The following LTBP2 variants were observed in gnomAD, a reference collection of about 807,000 sequenced individuals.
LTBP2 encodes latent transforming growth factor beta binding protein 2, also known as latent-transforming growth factor beta-binding protein 2.
LTBP2 carries 103 observed loss-of-function variants against 210.6 expected under a neutral mutation model. The observed-to-expected ratio is 0.49, with a 90% CI of 0.42 to 0.58. The LOEUF is 0.58. Ranked by LOEUF, LTBP2 falls within the 20% of genes least tolerant of loss-of-function variation. The pLI is 0.00. For synonymous variants in LTBP2, 1,007 were observed against 1,015.0 expected (o/e 0.99, Z 0.15); for missense variants, 2,313 against 2,494.5 (o/e 0.93, Z 1.55).
Position 74,499,675 on chromosome 14 carries a change from C to T in LTBP2, c.*1209G>A, listed in dbSNP as rs34676576. On this transcript the variant is annotated 3_prime_UTR_variant, in exon 36 of 36. Coordinates refer to ENST00000261978, the MANE Select transcript of LTBP2 (RefSeq NM_000428.3). The stretch of plus-strand genomic sequence containing the variant: ...TCAGCAGAGCTGGCCAGGGAGTAGG[C>T]ACAGCCTCATCTCTAATATTTAGAC... The T allele has an allele frequency of 4.9e-5, 11 of 225,568 alleles. No individual in the cohort carries two copies. Among genetic ancestry groups the T allele is most frequent in the Admixed American group, 1.1e-4 (2 of 17,504 alleles). 14.0% of individuals were successfully genotyped at this position (225,568 alleles called of 1,614,324 possible). A position where few individuals can be genotyped will look rare whatever the true frequency, so the allele number is the denominator to read the frequency against.
Position 74,611,694 on chromosome 14 carries a change from G to T in LTBP2, c.251C>A (p.Pro84His). The change falls in exon 1 of 36, where the codon CCC (proline) becomes CAC (histidine). Residue 84 changes from proline to histidine, a missense_variant. Pro to His is a moderately conservative substitution (Grantham distance 77). This residue lies in a region of LTBP2 where 1,867 missense variants were observed against 1,976.9 expected (regional missense o/e 0.94). Transcript: ENST00000261978. ...CCAGCCCGGCTGGGCCCGCTCCACG[G>T]GCTGCAAGCCCGCGACAGGCGCGTC... ...EQDAPVAGLQ[P>H]VERAQPGWGS... The T allele has an allele frequency of 6.3e-7, 1 of 1,582,996 alleles. No homozygotes were observed. Among genetic ancestry groups the T allele is most frequent in the Admixed American group, 1.7e-5 (1 of 57,194 alleles).
At chr14:74,585,408 T>C (rs1566649659) in intron 3 of LTBP2, among the ~76,000 whole-genome samples, 1 of 152,208 alleles carries the variant, frequency 6.6e-6, no homozygotes, top group Non-Finnish European at 1.5e-5. Context: ...GCACTTTCTT[T>C]ATATTGACTA....
chr14:74,554,242 GCAGTCCCAGTA>G (rs926103972), intron 4 of LTBP2, among the ~76,000 whole-genome samples: 2 of 152,188 alleles, frequency 1.3e-5, no homozygotes, highest in African/African-American at 4.8e-5. Flanking sequence ...ACTCACGCCT[GCAGTCCCAGTA>G]CTTTGGGAGG....
At chr14:74,562,757 A>G (rs1160600104) in intron 3 of LTBP2, among the ~76,000 whole-genome samples, 1 of 152,218 alleles carries the variant, frequency 6.6e-6, no homozygotes, top group Non-Finnish European at 1.5e-5. Flanking sequence ...CCAAAGGTTT[A>G]ATAACATACT....
chr14:74,506,972 G>A, intron 26 of LTBP2, 149 bp from the exon 27 acceptor site: 3 of 1,537,440 alleles, frequency 2.0e-6, no homozygotes, highest in Non-Finnish European at 1.8e-6. Context: ...ACCAAGACCT[G>A]TGAAAAGCAG....
rs1595237303 is a variant in LTBP2, at chr14:74,503,450, C to G, written c.4720+19G>C. The G allele has an allele frequency of 6.2e-7, 1 of 1,609,546 alleles. No homozygotes were observed. The highest frequency in any genetic ancestry group is 8.5e-7 in the Non-Finnish European group (1 of 1,179,214). ...CCCAGGTACCCTTCTCCTGCTCCCCCACGCTCAGGCCCACTCACCCGTGCT... is the reference window on the plus strand; with the variant it reads ...CCCAGGTACCCTTCTCCTGCTCCCCGACGCTCAGGCCCACTCACCCGTGCT... On this transcript the variant is annotated intron_variant, in intron 32 of 35. Transcript: ENST00000261978.
At position 74,571,756 on chromosome 14, in the gene LTBP2, C is replaced by T. The variant is rs557471517; in HGVS notation, c.830+14098G>A. On this transcript the variant is annotated intron_variant, in intron 3 of 35. Coordinates refer to ENST00000261978, the MANE Select transcript of LTBP2 (RefSeq NM_000428.3). ...AAGTGGCCTCTGCTGCGGGCACTCG[C>T]GGGTGGACATGTTACATCGTGGGCA... is the stretch of plus-strand genomic sequence containing the variant. Among the ~76,000 whole-genome samples the T allele has an allele frequency of 2.0e-3, 305 of 152,278 alleles. 5 individuals carry two copies. The highest frequency in any genetic ancestry group is 7.0e-3 in the African/African-American group (289 of 41,562).
intron 3 of LTBP2, among the ~76,000 whole-genome samples, chr14:74,583,507 G>A (rs1371045110): frequency 6.6e-6 from 1 of 152,248 alleles, no homozygotes; most frequent in Non-Finnish European, 1.5e-5. Context: ...CCTGGAGGCT[G>A]CAGCTCATTA....
In LTBP2 at chr14:74,509,126, C is replaced by T. The variant is rs528510339; in HGVS notation, c.3403+112G>A. The stretch of plus-strand genomic sequence containing the variant: ...AAGCTTGTGAGCGACTCTTGGGGAG[C>T]GGGATGATGGCAGCTCCTCCAGCCT... On this transcript the variant is annotated intron_variant, in intron 22 of 35. Transcript: ENST00000261978. The T allele has an allele frequency of 1.5e-3, 2,378 of 1,579,128 alleles. 11 individuals are homozygous for T. The highest frequency in any genetic ancestry group is 5.9e-3 in the Middle Eastern group (35 of 5,932).
At position 74,511,305 on chromosome 14, in the gene LTBP2, CA is replaced by C; in HGVS notation, c.2967del (p.Gly990AlafsTer20). The C allele has an allele frequency of 6.2e-7, 1 of 1,614,088 alleles. No homozygotes were observed. The highest frequency in any genetic ancestry group is 8.5e-7 in the Non-Finnish European group (1 of 1,180,022). On this transcript the variant is annotated frameshift_variant, in exon 19 of 36. Transcript: ENST00000261978. LOFTEE classifies it high-confidence loss of function. ...TCACAGGCCAGACAAGTGTAGGAGC[CA>C]GGGGAATTGACGCATCTCCCATCAG... ...TCPDGRCVNS[P>X]GSYTCLACEE...
chr14:74,533,390 C>G (rs1410450872), intron 9 of LTBP2, among the ~76,000 whole-genome samples: 1 of 152,090 alleles, frequency 6.6e-6, no homozygotes, highest in African/African-American at 2.4e-5. Context: ...GGAAACAGAT[C>G]AGGGGGACTG....
intron 19 of LTBP2, among the ~76,000 whole-genome samples, chr14:74,510,705 C>T (rs2087059761): frequency 6.6e-6 from 1 of 152,222 alleles, no homozygotes; most frequent in South Asian, 2.1e-4. Flanking sequence ...CGTCTGCCCT[C>T]TCCAGAGCCT....
chr14:74,534,051 G>A (rs1161303324), intron 9 of LTBP2, among the ~76,000 whole-genome samples: 1 of 152,160 alleles, frequency 6.6e-6, no homozygotes, highest in Non-Finnish European at 1.5e-5. Context: ...GAGCACCAAG[G>A]GGCACTACTC....
At chr14:74,530,086 C>A (rs1046941625) in intron 10 of LTBP2, among the ~76,000 whole-genome samples, 3 of 152,192 alleles carry the variant, frequency 2.0e-5, no homozygotes, top group Admixed American at 2.0e-4. Flanking sequence ...GCAGGGGACA[C>A]CTGTATTTCT....
intron 3 of LTBP2, among the ~76,000 whole-genome samples, chr14:74,569,819 G>T (rs2087951875): frequency 6.6e-6 from 1 of 152,116 alleles, no homozygotes; most frequent in Non-Finnish European, 1.5e-5. Flanking sequence ...TGACCTATGA[G>T]AAATTTGCGG....
intron 2 of LTBP2, among the ~76,000 whole-genome samples, chr14:74,589,678 T>TCAC (rs1184111994): frequency 6.6e-6 from 1 of 152,138 alleles, no homozygotes. Flanking sequence ...CAGGCCCCTG[T>TCAC]CACCACCACC....
chr14:74,506,735 C>T lies in LTBP2; in HGVS notation c.3996G>A (p.Gln1332=), dbSNP rs1288730779. Residue 1332 remains glutamine, a synonymous_variant, in exon 27 of 36, where the codon CAG becomes CAA. Coordinates refer to ENST00000261978, the MANE Select transcript of LTBP2 (RefSeq NM_000428.3). ...AGCCTGAGGGAGAGATCTCGAAGCC[C>T]TGGTCACAGAGGCAGCGGAAGGAGC... ...TDGSFRCLCD[Q]GFEISPSGWD... is the part of the protein sequence containing the mutation. 1 of 1,613,872 alleles carries T rather than the reference C, an allele frequency of 6.2e-7. No individual in the cohort carries two copies. The highest frequency in any genetic ancestry group is 1.3e-5 in the African/African-American group (1 of 74,948).
rs908936520 is a variant in LTBP2, at chr14:74,571,916, C to T, written c.830+13938G>A. Among the ~76,000 whole-genome samples, 58 of 151,918 alleles carry T rather than the reference C, an allele frequency of 3.8e-4. 1 individual carries two copies. The highest frequency in any genetic ancestry group is 1.4e-3 in the African/African-American group (57 of 41,388). Reference sequence around the variant, plus strand: ...TTTTTTCTTTTCAAAAAGTACTCCACTTCCTTTTAGACCTTTCACAAATAT... The same window carrying T: ...TTTTTTCTTTTCAAAAAGTACTCCATTTCCTTTTAGACCTTTCACAAATAT... On this transcript the variant is annotated intron_variant, in intron 3 of 35. Transcript: ENST00000261978.
At chr14:74,508,371 C>T (rs2087019290) in intron 24 of LTBP2, among the ~76,000 whole-genome samples, 1 of 152,062 alleles carries the variant, frequency 6.6e-6, no homozygotes, top group South Asian at 2.1e-4. Flanking sequence ...CGTGAAGAGG[C>T]CCTGGTGAGA....
Sources: allele counts gnomAD v4.1 joint callset (sites outside exome capture counted in the v4.1 genomes callset), GRCh38; gene constraint gnomAD v4.1.1; regional missense constraint gnomAD v4.1.1; transcripts MANE v1.5; gene names NCBI Gene and HGNC (gene_info 2026-07-23, HGNC 2026-07-21).